Variants in DYNC2H1 observed in about 807,000 individuals in gnomAD.
DYNC2H1 encodes the protein cytoplasmic dynein 2 heavy chain 1.
Under a neutral mutation model 570.0 loss-of-function variants are expected in DYNC2H1, and 410 were observed. The ratio of observed to expected loss-of-function variants is 0.72; its 90% CI spans 0.66 to 0.78. DYNC2H1 has a LOEUF of 0.78. DYNC2H1 is among the 30% of genes least tolerant of loss of function. DYNC2H1 has a pLI of 0.00. For missense variants in DYNC2H1, 4,865 were observed against 5,046.4 expected (o/e 0.96, Z 1.09); for synonymous variants, 1,688 against 1,677.6 (o/e 1.01, Z -0.15).
intron 17 of DYNC2H1, among the ~76,000 whole-genome samples, chr11:103,138,158 T>C (rs1327201803): frequency 6.6e-6 from 1 of 152,152 alleles, no homozygotes; most frequent in Admixed American, 6.5e-5. Context: ...AGATATCCAA[T>C]CATGTCATCT....
chr11:103,316,965 G>A (rs1352061315), intron 80 of DYNC2H1, among the ~76,000 whole-genome samples: 3 of 152,052 alleles, frequency 2.0e-5, no homozygotes, highest in Non-Finnish European at 4.4e-5. Context: ...AGGATCTGTG[G>A]AGTCATAATT....
At position 103,316,908 on chromosome 11, in the gene DYNC2H1, G is replaced by A. The variant is rs7102902; in HGVS notation, c.11725+288G>A. On this transcript the variant is annotated intron_variant, in intron 80 of 88. Transcript: ENST00000375735. ...AACTGAATTTTTCAGATGTCTTTCAGGGGAACTGTTAAAATTCAGGAGTAT... is the reference window on the plus strand; with the variant it reads ...AACTGAATTTTTCAGATGTCTTTCAAGGGAACTGTTAAAATTCAGGAGTAT... 0.17 allele frequency among the ~76,000 whole-genome samples: 25,201 copies of A among 151,958 alleles called. 2,275 individuals are homozygous for A. Among genetic ancestry groups the A allele is most frequent in the Admixed American group, 0.25 (3,864 of 15,244 alleles).
Position 103,187,403 on chromosome 11 carries a change from T to G in DYNC2H1, c.6957T>G (p.Ser2319Arg), listed in dbSNP as rs1394799972. Reference sequence around the variant, plus strand: ...CTCAAATTGCTACAGTTCACTGTAGTGCACAAACCACTTCTCGACATCTCC... The same window carrying G: ...CTCAAATTGCTACAGTTCACTGTAGGGCACAAACCACTTCTCGACATCTCC... ...RSTQIATVHC[S>R]AQTTSRHLLQ... The change falls in exon 43 of 89, where the codon AGT becomes AGG. Residue 2319 changes from serine (S) to arginine (R), a missense_variant. Around this residue, in one of 5 missense-constraint regions of DYNC2H1, gnomAD observed 2,401 missense variants for 2,454.6 expected, o/e 0.98. Coordinates refer to ENST00000375735, the MANE Select transcript of DYNC2H1 (RefSeq NM_001377.3). 2.5e-6 allele frequency: 4 copies of G among 1,613,086 alleles called. No individual in the cohort carries two copies. Among genetic ancestry groups the G allele is most frequent in the African/African-American group, 1.3e-5 (1 of 74,856 alleles).
In DYNC2H1 at chr11:103,177,907, T is replaced by G. The variant is rs1416162002; in HGVS notation, c.6139+87T>G. 9.3e-6 allele frequency: 13 copies of G among 1,399,154 alleles called. No individual in the cohort carries two copies. Among genetic ancestry groups the G allele is most frequent in the Non-Finnish European group, 1.1e-5 (12 of 1,049,734 alleles). The allele number at this position is 1,399,154 out of a possible 1,614,324, so 86.7% of individuals were successfully genotyped here. On this transcript the variant is annotated intron_variant, in intron 38 of 88. Transcript: ENST00000375735. This position sits in a 1 kb window ranked among gnomAD's most constrained non-coding sequence, Gnocchi z 4.4. ...TCTATAATGCTGTCTTTGTCAAGAC[T>G]TCTACATGACCATAAAGTCATAATT...
rs771160349 is a variant in DYNC2H1 at position 103,135,511 on chromosome 11, A to C, written c.2222A>C (p.Asp741Ala). The change falls in exon 16 of 89, where the codon GAC (aspartate) becomes GCC (alanine). Residue 741 changes from aspartate (D) to alanine (A), a missense_variant. Physicochemically the swap from Asp to Ala is moderately radical, Grantham distance 126. Around this residue, in one of 5 missense-constraint regions of DYNC2H1, gnomAD observed 1,936 missense variants for 1,962.1 expected, o/e 0.99. Coordinates refer to ENST00000375735, the MANE Select transcript of DYNC2H1 (RefSeq NM_001377.3). ...ACATATTAGGGATTCCAAGCAAGTG[A>C]CATGCATGCATGGAAACAACACTGG... ...TVEAQGFQASDMHAWKQHWNH... is the reference protein window; with the variant it reads ...TVEAQGFQASAMHAWKQHWNH... 7 of 1,567,102 alleles carry C rather than the reference A, an allele frequency of 4.5e-6. No homozygotes were observed. Among genetic ancestry groups the C allele is most frequent in the Non-Finnish European group, 6.0e-6 (7 of 1,159,020 alleles).
intron 82 of DYNC2H1, among the ~76,000 whole-genome samples, chr11:103,330,961 G>A (rs1938754111): frequency 6.6e-6 from 1 of 152,182 alleles, no homozygotes; most frequent in Admixed American, 6.5e-5. Context: ...GATTTAGAGA[G>A]CTTGAAAGAG....
intron 31 of DYNC2H1, among the ~76,000 whole-genome samples, chr11:103,166,856 C>G (rs1861328067): frequency 1.3e-5 from 2 of 151,932 alleles, no homozygotes; most frequent in African/African-American, 4.8e-5. Context: ...TGTTTTTCAC[C>G]AAAATCTGGG....
At chr11:103,124,586 G>A (rs139437315) in intron 11 of DYNC2H1, among the ~76,000 whole-genome samples, 4 of 151,668 alleles carry the variant, frequency 2.6e-5, no homozygotes, top group African/African-American at 9.7e-5. Context: ...AGTAATATTT[G>A]CTATTATAGC....
chr11:103,189,892 T>C lies in DYNC2H1; in HGVS notation c.7437+76T>C. 7.1e-7 allele frequency: 1 copy of C among 1,410,820 alleles called. No individual in the cohort carries two copies. 87.4% of individuals were successfully genotyped at this position (1,410,820 alleles called of 1,614,324 possible). On this transcript the variant is annotated intron_variant, in intron 45 of 88. Transcript: ENST00000375735. The surrounding 1 kb of genome is among the most constrained non-coding windows in gnomAD (Gnocchi z 4.3). The stretch of plus-strand genomic sequence containing the variant: ...AAGGTCTACTTTTAATTCTGACCTC[T>C]GTGTTGACACCCAGGCTTTACTTTC...
chr11:103,416,625 G>T (rs1943293242), intron 84 of DYNC2H1, among the ~76,000 whole-genome samples: 1 of 152,122 alleles, frequency 6.6e-6, no homozygotes, highest in Admixed American at 6.6e-5. Flanking sequence ...AAACAAACTG[G>T]ACCCCTTCCT....
At chr11:103,282,335 T>TTA (rs1408616461) in intron 72 of DYNC2H1, 106 bp downstream of exon 72, 1 of 947,816 alleles carries the variant, frequency 1.1e-6, no homozygotes, top group African/African-American at 1.7e-5. Flanking sequence ...ATTGTTGAAG[T>TTA]TATAATTTGA....
At position 103,203,785 on chromosome 11, in the gene DYNC2H1, C is replaced by T. The variant is rs760270830; in HGVS notation, c.8311+9C>T. ...CAATTACTTCACATATAGTAAGTGA[C>T]ATAGAATTCATTAATCAAATCAAAC... On this transcript the variant is annotated intron_variant, in intron 51 of 88. Transcript: ENST00000375735. The surrounding 1 kb of genome is among the most constrained non-coding windows in gnomAD (Gnocchi z 4.7). 14 of 1,529,844 alleles carry T rather than the reference C, an allele frequency of 9.2e-6. No individual in the cohort carries two copies. The East Asian group carries it at 3.2e-4, about 35-fold the overall frequency. 94.8% of individuals were successfully genotyped at this position (1,529,844 alleles called of 1,614,324 possible).
At position 103,156,865 on chromosome 11, in the gene DYNC2H1, T is replaced by C. The variant is rs1860858661; in HGVS notation, c.4127+95T>C. The C allele has an allele frequency of 2.6e-5, 37 of 1,434,760 alleles. No homozygotes were observed. In the South Asian group the frequency reaches 4.8e-4, roughly 18 times the overall value. The allele number at this position is 1,434,760 out of a possible 1,614,324, so 88.9% of individuals were successfully genotyped here. On this transcript the variant is annotated intron_variant, in intron 26 of 88. Coordinates refer to ENST00000375735, the MANE Select transcript of DYNC2H1 (RefSeq NM_001377.3). ...TTAATACAGGCAAATTACTTTTACATGATTGGTATCCTCTGTGTATTCAAA... is the reference window on the plus strand; with the variant it reads ...TTAATACAGGCAAATTACTTTTACACGATTGGTATCCTCTGTGTATTCAAA...
intron 73 of DYNC2H1, among the ~76,000 whole-genome samples, chr11:103,285,429 T>C (rs1866309650): frequency 6.7e-6 from 1 of 148,254 alleles, no homozygotes; most frequent in Admixed American, 6.7e-5. Flanking sequence ...CTTTTCTTTT[T>C]TTTTTTTTTT....
chr11:103,358,433 C>T, intron 83 of DYNC2H1, 74 bp downstream of exon 83: 1 of 1,040,254 alleles, frequency 9.6e-7, no homozygotes, highest in Non-Finnish European at 1.4e-6. Flanking sequence ...CCATTTCTGC[C>T]TGAGTCATAC....
At position 103,473,665 on chromosome 11, in the gene DYNC2H1, C is replaced by T. The variant is rs188042830; in HGVS notation, c.12765+4960C>T. On this transcript the variant is annotated intron_variant, in intron 88 of 88. Coordinates refer to ENST00000375735, the MANE Select transcript of DYNC2H1 (RefSeq NM_001377.3). ...CTATGCTCCATCAGGATCTAATATT[C>T]CACATAGTATGATTTGGTCAACACT... 3.1e-3 allele frequency among the ~76,000 whole-genome samples: 471 copies of T among 152,294 alleles called. 1 individual carries two copies. Among genetic ancestry groups the T allele is most frequent in the Admixed American group, 4.8e-3 (74 of 15,300 alleles).
intron 13 of DYNC2H1, among the ~76,000 whole-genome samples, chr11:103,132,333 A>G (rs1168663753): frequency 6.6e-6 from 1 of 151,236 alleles, no homozygotes; most frequent in Non-Finnish European, 1.5e-5. Context: ...TATATATTCC[A>G]CCTCATTTTT....
Position 103,189,691 on chromosome 11 carries a change from T to C in DYNC2H1, c.7312T>C (p.Leu2438=), listed in dbSNP as rs1332576624. The C allele has an allele frequency of 6.2e-7, 1 of 1,612,870 alleles. No individual in the cohort carries two copies. The highest frequency in any genetic ancestry group is 8.5e-7 in the Non-Finnish European group (1 of 1,179,412). Residue 2438 remains leucine (L), a synonymous_variant, in exon 45 of 89, where the codon TTA becomes CTA. Coordinates refer to ENST00000375735, the MANE Select transcript of DYNC2H1 (RefSeq NM_001377.3). This position sits in a 1 kb window ranked among gnomAD's most constrained non-coding sequence, Gnocchi z 4.3. The part of the protein sequence containing the change: ...CSIDYPEREQ[L]QTIYGAYLEP... Reference sequence around the variant, plus strand: ...TTTTAGTTACCCAGAAAGAGAGCAGTTACAAACGATTTATGGAGCATATTT... The same window carrying C: ...TTTTAGTTACCCAGAAAGAGAGCAGCTACAAACGATTTATGGAGCATATTT...
chr11:103,182,598 G>A (rs1241839140), intron 40 of DYNC2H1, among the ~76,000 whole-genome samples: 1 of 151,844 alleles, frequency 6.6e-6, no homozygotes, highest in African/African-American at 2.4e-5. Context: ...CTGTCATTTA[G>A]AAGAGGTTTA....
Sources: gnomAD v4.1 joint callset for allele counts (sites outside exome capture counted in the v4.1 genomes callset) on GRCh38, gnomAD v4.1.1 for gene constraint, gnomAD v4.1.1 regional missense constraint, Gnocchi (gnomAD v3.1) non-coding constraint, MANE v1.5 for transcripts, NCBI Gene and HGNC (gene_info 2026-07-23, HGNC 2026-07-21) for gene names.